DNAH1: variants seen among roughly 807,000 people sequenced by gnomAD.
DNAH1 encodes axonemal beta dynein heavy chain 1.
DNAH1 carries 327 observed loss-of-function variants against 484.3 expected under a neutral mutation model. That is an observed-to-expected ratio of 0.68 (90% CI 0.62 to 0.74). The LOEUF (loss-of-function observed/expected upper bound fraction) is 0.74. DNAH1 is among the 30% of genes least tolerant of loss of function. The pLI is 0.00. For synonymous variants in DNAH1, 2,192 were observed against 2,191.9 expected, an observed-to-expected ratio of 1.00 and a Z score of 0.00; for missense variants, 5,052 against 5,546.8, an observed-to-expected ratio of 0.91 and a Z score of 2.83.
chr3:52,372,437 C>T (rs375460612), intron 43 of DNAH1, 50 bp downstream of exon 43: 321 of 1,600,680 alleles, frequency 2.0e-4, no homozygotes, highest in Non-Finnish European at 2.6e-4. Flanking sequence ...CCAGCCTGGC[C>T]GATCCAGCTG....
Position 52,388,307 on chromosome 3 carries a change from T to A in DNAH1, c.9144T>A (p.Phe3048Leu), listed in dbSNP as rs1168402247. The A allele has an allele frequency of 6.2e-7, 1 of 1,602,744 alleles. No homozygotes were observed. Among genetic ancestry groups the A allele is most frequent in the East Asian group, 2.3e-5 (1 of 44,384 alleles). The change falls in exon 57 of 78, where the codon TTT (phenylalanine) becomes TTA (leucine). Residue 3048 changes from phenylalanine to leucine, a missense_variant. This residue lies in a region of DNAH1 where 2,929 missense variants were observed against 3,409.4 expected (regional missense o/e 0.86). Transcript: ENST00000420323. ...QWVRAMHKYH[F>L]VAKAVEPKRQ... ...TGCGCGCCATGCACAAGTACCACTTTGTGGCCAAGGCCGTGGAGCCCAAGC... is the reference window on the plus strand; with the variant it reads ...TGCGCGCCATGCACAAGTACCACTTAGTGGCCAAGGCCGTGGAGCCCAAGC...
At chr3:52,318,639 C>G (rs1701036472) in intron 1 of DNAH1, among the ~76,000 whole-genome samples, 1 of 152,236 alleles carries the variant, frequency 6.6e-6, no homozygotes, top group Non-Finnish European at 1.5e-5. Flanking sequence ...ATCAGCGTTA[C>G]TTGAAAATGC....
In DNAH1 at chr3:52,368,828, G is replaced by A. The variant is rs80128076; in HGVS notation, c.5853G>A (p.Val1951=). ...AGTGGTACATGTTCGATGGGCCGGT[G>A]GATGCCATCTGGATTGAGAACATGA... ...NKKWYMFDGP[V]DAIWIENMNT... is the part of the protein sequence containing the mutation. Residue 1951 remains valine (V), a synonymous_variant, in exon 37 of 78, where the codon GTG becomes GTA. Coordinates refer to ENST00000420323, the MANE Select transcript of DNAH1 (RefSeq NM_015512.5). This position sits in a 1 kb window ranked among gnomAD's most constrained non-coding sequence, Gnocchi z 4.4. 6,963 of 1,614,008 alleles carry A rather than the reference G, an allele frequency of 4.3e-3. 32 individuals carry two copies. The highest frequency in any genetic ancestry group is 7.9e-3 in the South Asian group (715 of 91,082).
At chr3:52,352,295 C>T (rs764153574) in intron 17 of DNAH1, among the ~76,000 whole-genome samples, 192 bp downstream of exon 17, 5 of 152,152 alleles carry the variant, frequency 3.3e-5, no homozygotes, top group African/African-American at 9.7e-5. Flanking sequence ...GCAGCAAGCT[C>T]CAGAAAGATT....
chr3:52,358,518 C>T lies in DNAH1; in HGVS notation c.4087-40C>T, dbSNP rs758654140. On this transcript the variant is annotated intron_variant, in intron 24 of 77. Coordinates refer to ENST00000420323, the MANE Select transcript of DNAH1 (RefSeq NM_015512.5). The surrounding 1 kb of genome is among the most constrained non-coding windows in gnomAD (Gnocchi z 4.2). Reference sequence around the variant, plus strand: ...CTGTGGTGGCCAGGGCATCTGGGCACACCAGGGTGACCCCACTCCTGCTCC... The same window carrying T: ...CTGTGGTGGCCAGGGCATCTGGGCATACCAGGGTGACCCCACTCCTGCTCC... The T allele has an allele frequency of 2.6e-5, 40 of 1,562,712 alleles. No homozygotes were observed. The Admixed American group carries it at 5.7e-4, about 22-fold the overall frequency.
At chr3:52,360,610 G>A (rs1702814819) in intron 28 of DNAH1, among the ~76,000 whole-genome samples, 186 bp downstream of exon 28, 1 of 152,138 alleles carries the variant, frequency 6.6e-6, no homozygotes, top group African/African-American at 2.4e-5. Flanking sequence ...CTTCGGGCAG[G>A]TGACTTGACC....
chr3:52,394,000 G>A (rs868861882), intron 66 of DNAH1, among the ~76,000 whole-genome samples: 6 of 152,374 alleles, frequency 3.9e-5, no homozygotes, highest in Middle Eastern at 3.4e-3. Context: ...AGGCCTTCTC[G>A]AGCCTTGAGT....
At chr3:52,398,749 G>A in intron 75 of DNAH1, 101 bp from the exon 76 acceptor site, 1 of 1,050,294 alleles carries the variant, frequency 9.5e-7, no homozygotes. Flanking sequence ...TAGCCTCTAT[G>A]TTTTGCCATT....
Position 52,375,365 on chromosome 3 carries a change from G to T in DNAH1, c.7111G>T (p.Glu2371Ter), listed in dbSNP as rs372172175. ...FNYLSFAEMDEVSKKRIFSTI... is the reference protein window; with the variant it reads ...FNYLSFAEMD ...CTACCTGTCTTTCGCTGAGATGGAC[G>T]AGGTCAGCAAGAAACGCATCTTCTC... Residue 2371 changes from glutamate to a stop codon, truncating the protein, a stop_gained, in exon 45 of 78, where the codon GAG becomes TAG. Transcript: ENST00000420323. LOFTEE classifies it high-confidence loss of function. The T allele has an allele frequency of 6.2e-7, 1 of 1,613,558 alleles. No individual in the cohort carries two copies. Among genetic ancestry groups the T allele is most frequent in the South Asian group, 1.1e-5 (1 of 90,970 alleles).
At chr3:52,326,349 G>T in intron 4 of DNAH1, 35 bp downstream of exon 4, 2 of 1,584,812 alleles carry the variant, frequency 1.3e-6, no homozygotes, top group Non-Finnish European at 1.7e-6. Flanking sequence ...GACTGTCGGG[G>T]AGGTGGCATC....
At position 52,332,130 on chromosome 3, in the gene DNAH1, C is replaced by A. The variant is rs183889588; in HGVS notation, c.1034-12C>A. ...ATTGTGTGTCCCCTTCTCCCTCTCA[C>A]CCGGCCCCCAGGAAGGCCACCCCTT... On this transcript the variant is annotated splice_polypyrimidine_tract_variant and intron_variant, in intron 7 of 77. Transcript: ENST00000420323. 6.5e-7 allele frequency: 1 copy of A among 1,547,730 alleles called. No individual in the cohort carries two copies. The highest frequency in any genetic ancestry group is 8.7e-7 in the Non-Finnish European group (1 of 1,143,050).
In DNAH1 at chr3:52,381,437, A is replaced by G. The variant is rs530137670; in HGVS notation, c.7609-203A>G. ...CAATCCCTCAGTGTTTTGAGCAACA[A>G]TCTAAGCAAGTTTATCAGTGTCTGG... On this transcript the variant is annotated intron_variant, in intron 48 of 77. Transcript: ENST00000420323. This position sits in a 1 kb window ranked among gnomAD's most constrained non-coding sequence, Gnocchi z 4.1. Among the ~76,000 whole-genome samples, 3 of 152,192 alleles carry G rather than the reference A, an allele frequency of 2.0e-5. No homozygotes were observed. The highest frequency in any genetic ancestry group is 3.9e-4 in the East Asian group (2 of 5,170).
chr3:52,352,045 T>G lies in DNAH1; in HGVS notation c.2813T>G (p.Phe938Cys). 1 of 1,591,958 alleles carries G rather than the reference T, an allele frequency of 6.3e-7. No homozygotes were observed. Among genetic ancestry groups the G allele is most frequent in the Non-Finnish European group, 8.6e-7 (1 of 1,169,388 alleles). The change falls in exon 17 of 78, where the codon TTC becomes TGC. Residue 938 changes from phenylalanine to cysteine, a missense_variant. Transcript: ENST00000420323. ...QQQHVEDEEKFRKIQIMDQNN... is the reference protein window; with the variant it reads ...QQQHVEDEEKCRKIQIMDQNN... The stretch of plus-strand genomic sequence containing the variant: ...CAGCATGTGGAGGATGAGGAGAAGT[T>G]CCGCAAAATCCAGATCATGGATCAG...
intron 57 of DNAH1, 21 bp downstream of exon 57, chr3:52,388,355 G>T (rs1190918480): frequency 6.2e-7 from 1 of 1,600,316 alleles, no homozygotes; most frequent in Non-Finnish European, 8.5e-7. Flanking sequence ...AGTGGAGCTG[G>T]TGGGGGAGGG....
At position 52,355,273 on chromosome 3, in the gene DNAH1, C is replaced by G. The variant is rs1702562659; in HGVS notation, c.3693+218C>G. Reference sequence around the variant, plus strand: ...CATGAGGTTCAGCTACTGGATGAGGCAGATAAGGGTGCGTAGGGGCAGCAT... The same window carrying G: ...CATGAGGTTCAGCTACTGGATGAGGGAGATAAGGGTGCGTAGGGGCAGCAT... On this transcript the variant is annotated intron_variant, in intron 21 of 77. Coordinates refer to ENST00000420323, the MANE Select transcript of DNAH1 (RefSeq NM_015512.5). This position sits in a 1 kb window ranked among gnomAD's most constrained non-coding sequence, Gnocchi z 4.5. 6.6e-6 allele frequency among the ~76,000 whole-genome samples: 1 copy of G among 152,206 alleles called. No individual in the cohort carries two copies. Among genetic ancestry groups the G allele is most frequent in the Non-Finnish European group, 1.5e-5 (1 of 68,030 alleles).
Position 52,350,012 on chromosome 3 carries a change from C to G in DNAH1, c.2550C>G (p.Ile850Met). The G allele has an allele frequency of 3.1e-6, 5 of 1,612,166 alleles. No individual in the cohort carries two copies. The highest frequency in any genetic ancestry group is 4.2e-6 in the Non-Finnish European group (5 of 1,179,340). The change falls in exon 15 of 78, where the codon ATC (isoleucine) becomes ATG (methionine). Residue 850 changes from isoleucine (I) to methionine (M), a missense_variant. Physicochemically the swap from Ile to Met is conservative, Grantham distance 10. Around this residue, in one of 4 missense-constraint regions of DNAH1, gnomAD observed 1,263 missense variants for 1,218.8 expected, o/e 1.04. Coordinates refer to ENST00000420323, the MANE Select transcript of DNAH1 (RefSeq NM_015512.5). ...VDSICEEFRS[I>M]SRKIYEKPNS... is the part of the protein sequence containing the mutation. ...AGATCTGCGAGGAGTTCCGCAGCAT[C>G]AGCCGCAAGATCTATGAGAAGCCCA... is the stretch of plus-strand genomic sequence containing the variant.
In DNAH1 at chr3:52,388,826, T is replaced by A. The variant is rs367928602; in HGVS notation, c.9384T>A (p.Asp3128Glu). Residue 3128 changes from aspartate to glutamate, a missense_variant, in exon 59 of 78, where the codon GAT becomes GAA. Physicochemically the swap from Asp to Glu is conservative, Grantham distance 45. This residue lies in a region of DNAH1 where 2,929 missense variants were observed against 3,409.4 expected (regional missense o/e 0.86). Coordinates refer to ENST00000420323, the MANE Select transcript of DNAH1 (RefSeq NM_015512.5). ...RAGKLINGLS[D>E]EKVRWQETVE... is the part of the protein sequence containing the mutation. ...TCCAGCTCATCAACGGGCTGTCGGA[T>A]GAGAAGGTGCGCTGGCAGGAGACGG... 11 of 1,613,562 alleles carry A rather than the reference T, an allele frequency of 6.8e-6. No individual in the cohort carries two copies. Among genetic ancestry groups the A allele is most frequent in the Non-Finnish European group, 9.3e-6 (11 of 1,179,862 alleles).
At position 52,326,120 on chromosome 3, in the gene DNAH1, G is replaced by A; in HGVS notation, c.407-20G>A. 6.4e-7 allele frequency: 1 copy of A among 1,559,938 alleles called. No individual in the cohort carries two copies. Among genetic ancestry groups the A allele is most frequent in the South Asian group, 1.2e-5 (1 of 83,570 alleles). ...TGCTGGCCTGAGCCCTGAAGCCCCT[G>A]CCCCTGCTTCTACCTGCAGTCGGAA... On this transcript the variant is annotated intron_variant, in intron 3 of 77. Transcript: ENST00000420323.
Position 52,396,437 on chromosome 3 carries a change from A to G in DNAH1, c.11329A>G (p.Asn3777Asp). Residue 3777 changes from asparagine (N) to aspartate (D), a missense_variant, in exon 71 of 78, where the codon AAC becomes GAC. Physicochemically the swap from Asn to Asp is conservative, Grantham distance 23. Transcript: ENST00000420323. ...SNKFPVSILQ[N>D]GSKMTIEPPR... is the part of the protein sequence containing the mutation. ...CAAGTTCCCAGTGTCCATCCTGCAGAACGGCTCCAAGATGACCATTGAGCC... is the reference window on the plus strand; with the variant it reads ...CAAGTTCCCAGTGTCCATCCTGCAGGACGGCTCCAAGATGACCATTGAGCC... 4 of 1,593,358 alleles carry G rather than the reference A, an allele frequency of 2.5e-6. No individual in the cohort carries two copies. The highest frequency in any genetic ancestry group is 1.7e-4 in the Middle Eastern group (1 of 6,048).
Sources: gnomAD v4.1 joint callset for allele counts (sites outside exome capture counted in the v4.1 genomes callset) on GRCh38, gnomAD v4.1.1 for gene constraint, gnomAD v4.1.1 regional missense constraint, Gnocchi (gnomAD v3.1) non-coding constraint, MANE v1.5 for transcripts, NCBI Gene and HGNC (gene_info 2026-07-23, HGNC 2026-07-21) for gene names.